Variants in PTPN14 observed in about 807,000 individuals in gnomAD.
PTPN14 encodes tyrosine-protein phosphatase non-receptor type 14.
Under a neutral mutation model 126.8 loss-of-function variants are expected in PTPN14, and 53 were observed. The ratio of observed to expected loss-of-function variants is 0.42; its 90% CI spans 0.34 to 0.53. The LOEUF (loss-of-function observed/expected upper bound fraction) is 0.53, where lower values mean the gene tolerates loss of function less well. Ranked by LOEUF, PTPN14 falls within the 20% of genes least tolerant of loss-of-function variation. PTPN14 has a pLI of 0.08. For missense variants in PTPN14, 1,257 were observed against 1,552.9 expected (o/e 0.81, Z 3.20); for synonymous variants, 630 against 599.3 (o/e 1.05, Z -0.75).
At position 214,376,336 on chromosome 1, in the gene PTPN14, C is replaced by T. The variant is rs763320633; in HGVS notation, c.2790G>A (p.Leu930=). The change falls in exon 15 of 19, where the codon CTG becomes CTA. Residue 930 remains leucine, a synonymous_variant. Coordinates refer to ENST00000366956, the MANE Select transcript of PTPN14 (RefSeq NM_005401.5). ...TTCGGCTGCGCTCGGCGTTTTCTGGCAGAGCTGCTGTGCTGAAAATGCCAT... is the reference window on the plus strand; with the variant it reads ...TTCGGCTGCGCTCGGCGTTTTCTGGTAGAGCTGCTGTGCTGAAAATGCCAT... The part of the protein sequence containing the change: ...KANGIFSTAA[L]PENAERSRIR... The T allele has an allele frequency of 3.7e-6, 6 of 1,614,056 alleles. No individual in the cohort carries two copies. In the African/African-American group the frequency reaches 8.0e-5, roughly 22 times the overall value.
At chr1:214,467,001 C>T (rs1337524011) in intron 1 of PTPN14, among the ~76,000 whole-genome samples, 1 of 152,172 alleles carries the variant, frequency 6.6e-6, no homozygotes, top group Non-Finnish European at 1.5e-5. Flanking sequence ...CATTCCTTAA[C>T]ATGACAGGTA....
intron 1 of PTPN14, among the ~76,000 whole-genome samples, chr1:214,508,172 G>A (rs889090152): frequency 6.6e-6 from 1 of 152,144 alleles, no homozygotes; most frequent in Non-Finnish European, 1.5e-5. Flanking sequence ...AATGAAGTTT[G>A]CCACATCAGT....
At chr1:214,390,332 TA>T (rs1334614341) in intron 11 of PTPN14, among the ~76,000 whole-genome samples, 1 of 152,244 alleles carries the variant, frequency 6.6e-6, no homozygotes, top group Non-Finnish European at 1.5e-5. Flanking sequence ...GCATTGAAAT[TA>T]ATTGTGTTTC....
intron 15 of PTPN14, among the ~76,000 whole-genome samples, chr1:214,375,386 C>T (rs1283342521): frequency 6.6e-6 from 1 of 152,170 alleles, no homozygotes; most frequent in Non-Finnish European, 1.5e-5. Context: ...ATCAATTGAA[C>T]CTTGTGTTAT....
At chr1:214,450,161 T>TAAATAAATAAATAAAA (rs1660241808) in intron 3 of PTPN14, among the ~76,000 whole-genome samples, 1 of 143,380 alleles carries the variant, frequency 7.0e-6, no homozygotes, top group Non-Finnish European at 1.5e-5. Context: ...AATAAATAAA[T>TAAATAAATAAATAAAA]AAAAGCCAAA....
At chr1:214,547,227 C>G (rs1213728797) in intron 1 of PTPN14, among the ~76,000 whole-genome samples, 1 of 152,194 alleles carries the variant, frequency 6.6e-6, no homozygotes. Context: ...CCTCTCCCCT[C>G]CTATTACAAA....
At position 214,364,764 on chromosome 1, in the gene PTPN14, T is replaced by TGA; in HGVS notation, c.3272-91_3272-90dup. On this transcript the variant is annotated intron_variant, in intron 17 of 18. Coordinates refer to ENST00000366956, the MANE Select transcript of PTPN14 (RefSeq NM_005401.5). The surrounding 1 kb of genome is among the most constrained non-coding windows in gnomAD (Gnocchi z 4.1). Reference sequence around the variant, plus strand: ...GGGGGGAGCGGAAGAGAACTGATGGTGAGTGTGTGTGTGTGTGTGTGTGTG... The same window carrying TGA: ...GGGGGGAGCGGAAGAGAACTGATGGTGAGAGTGTGTGTGTGTGTGTGTGTGTG... 8.5e-7 allele frequency: 1 copy of TGA among 1,170,970 alleles called. No homozygotes were observed. The highest frequency in any genetic ancestry group is 1.2e-6 in the Non-Finnish European group (1 of 836,692). The allele number at this position is 1,170,970 out of a possible 1,614,324, so 72.5% of individuals were successfully genotyped here.
chr1:214,539,033 CA>C (rs2102480713), intron 1 of PTPN14, among the ~76,000 whole-genome samples: 1 of 152,230 alleles, frequency 6.6e-6, no homozygotes, highest in East Asian at 1.9e-4. Flanking sequence ...TTATGTGCTA[CA>C]AAACACAAAA....
In PTPN14 at chr1:214,351,278, G is replaced by A. The variant is rs1219003998; in HGVS notation, c.*6644C>T. 7.2e-6 allele frequency: 1 copy of A among 138,496 alleles called. No homozygotes were observed. The highest frequency in any genetic ancestry group is 2.6e-5 in the African/African-American group (1 of 38,014). 8.6% of individuals were successfully genotyped at this position (138,496 alleles called of 1,614,324 possible). ...AGCCTGCGCAACAGGAGTGAGACACGATCTCAAAAACTAAAAAAAAAAAAA... is the reference window on the plus strand; with the variant it reads ...AGCCTGCGCAACAGGAGTGAGACACAATCTCAAAAACTAAAAAAAAAAAAA... On this transcript the variant is annotated 3_prime_UTR_variant, in exon 19 of 19. Coordinates refer to ENST00000366956, the MANE Select transcript of PTPN14 (RefSeq NM_005401.5).
At chr1:214,474,533 C>T (rs908893845) in intron 1 of PTPN14, among the ~76,000 whole-genome samples, 12 of 152,168 alleles carry the variant, frequency 7.9e-5, no homozygotes, top group Admixed American at 6.5e-4. Context: ...GCATACAAAT[C>T]GGTGTCCAAA....
intron 1 of PTPN14, among the ~76,000 whole-genome samples, chr1:214,527,723 T>C (rs568759634): frequency 1.3e-5 from 2 of 152,324 alleles, no homozygotes; most frequent in Middle Eastern, 6.8e-3. Flanking sequence ...GAGGAACACA[T>C]GCCTAGTCAA....
intron 1 of PTPN14, chr1:214,482,966 A>C (rs1304580178): frequency 6.3e-7 from 1 of 1,599,226 alleles, no homozygotes. Flanking sequence ...TTTGTGCATC[A>C]ATTTGTGTAA....
Position 214,376,336 on chromosome 1 carries a change from C to A in PTPN14, c.2790G>T (p.Leu930=), listed in dbSNP as rs763320633. The change falls in exon 15 of 19, where the codon CTG becomes CTT. Residue 930 remains leucine (L), a synonymous_variant. Transcript: ENST00000366956. ...KANGIFSTAA[L]PENAERSRIR... is the part of the protein sequence containing the mutation. ...TTCGGCTGCGCTCGGCGTTTTCTGGCAGAGCTGCTGTGCTGAAAATGCCAT... is the reference window on the plus strand; with the variant it reads ...TTCGGCTGCGCTCGGCGTTTTCTGGAAGAGCTGCTGTGCTGAAAATGCCAT... The A allele has an allele frequency of 1.2e-6, 2 of 1,614,174 alleles. No individual in the cohort carries two copies. The highest frequency in any genetic ancestry group is 1.7e-5 in the Admixed American group (1 of 60,022).
At chr1:214,450,127 T>G (rs1458782789) in intron 3 of PTPN14, among the ~76,000 whole-genome samples, 1 of 67,770 alleles carries the variant, frequency 1.5e-5, no homozygotes, top group Non-Finnish European at 3.2e-5. Context: ...AGCAAGACTC[T>G]ATCTCAAAAT....
chr1:214,398,636 T>TTTTTTTTAA (rs1553262256), intron 7 of PTPN14, among the ~76,000 whole-genome samples: 1 of 148,360 alleles, frequency 6.7e-6, no homozygotes, highest in Non-Finnish European at 1.5e-5. Flanking sequence ...TTTTTTTTTT[T>TTTTTTTTAA]ACAGACAGGG....
chr1:214,519,515 AT>A (rs1009301058), intron 1 of PTPN14, among the ~76,000 whole-genome samples: 1 of 152,182 alleles, frequency 6.6e-6, no homozygotes, highest in Non-Finnish European at 1.5e-5. Flanking sequence ...ACATTGATAC[AT>A]TCCAGGGACA....
rs534498197 is a variant in PTPN14, at chr1:214,519,819, G to C, written c.-155+31364C>G. Among the ~76,000 whole-genome samples, 26 of 152,016 alleles carry C rather than the reference G, an allele frequency of 1.7e-4. No homozygotes were observed. The South Asian group carries it at 3.3e-3, about 19-fold the overall frequency. On this transcript the variant is annotated intron_variant, in intron 1 of 18. Coordinates refer to ENST00000366956, the MANE Select transcript of PTPN14 (RefSeq NM_005401.5). ...CATCCTAGCACTTTGGGAGGCCAAG[G>C]GGGGCGGACGGCTTTAGCCCAGGAG...
At chr1:214,483,036 T>C in intron 1 of PTPN14, 1 of 1,604,228 alleles carries the variant, frequency 6.2e-7, no homozygotes, top group Non-Finnish European at 8.5e-7. Flanking sequence ...GCAAGAATAC[T>C]GTGAACCTTG....
At chr1:214,381,091 G>C (rs1658461234) in intron 13 of PTPN14, among the ~76,000 whole-genome samples, 1 of 152,156 alleles carries the variant, frequency 6.6e-6, no homozygotes, top group South Asian at 2.1e-4. Context: ...AAAGCATCTG[G>C]AGAAAAAACA....
Sources: gnomAD v4.1 joint callset for allele counts (sites outside exome capture counted in the v4.1 genomes callset) on GRCh38, gnomAD v4.1.1 for gene constraint, Gnocchi (gnomAD v3.1) non-coding constraint, MANE v1.5 for transcripts, NCBI Gene and HGNC (gene_info 2026-07-23, HGNC 2026-07-21) for gene names.